GALNT7: variants seen among roughly 807,000 people sequenced by gnomAD.
GALNT7 encodes polypeptide N-acetylgalactosaminyltransferase 7.
Under a neutral mutation model 82.1 loss-of-function variants are expected in GALNT7, and 60 were observed. The observed-to-expected ratio is 0.73, with a 90% CI of 0.59 to 0.91. The LOEUF (loss-of-function observed/expected upper bound fraction) is 0.91. Among genes scored for constraint, GALNT7 ranks in the 40% least tolerant of loss-of-function variants. GALNT7 has a pLI of 0.00. For missense variants in GALNT7, 660 were observed against 804.2 expected (o/e 0.82, Z 2.17); for synonymous variants, 243 against 275.1 (o/e 0.88, Z 1.15).
intron 1 of GALNT7, among the ~76,000 whole-genome samples, chr4:173,197,930 T>C (rs1056416381): frequency 6.6e-6 from 1 of 152,202 alleles, no homozygotes; most frequent in African/African-American, 2.4e-5. Context: ...AAAATGCAGA[T>C]TGTGCCCCTC....
At chr4:173,279,454 T>TG (rs1208890464) in intron 2 of GALNT7, among the ~76,000 whole-genome samples, 1 of 152,258 alleles carries the variant, frequency 6.6e-6, no homozygotes, top group African/African-American at 2.4e-5. Flanking sequence ...ATGAGATTTG[T>TG]GGGGGGCAAA....
chr4:173,186,677 A>G (rs967291942), intron 1 of GALNT7, among the ~76,000 whole-genome samples: 2 of 152,130 alleles, frequency 1.3e-5, no homozygotes, highest in Non-Finnish European at 2.9e-5. Flanking sequence ...AGGGCTGAAT[A>G]TTGTCTTTTC....
intron 1 of GALNT7, among the ~76,000 whole-genome samples, chr4:173,192,154 T>TA (rs1732648764): frequency 6.6e-6 from 1 of 152,140 alleles, no homozygotes; most frequent in Non-Finnish European, 1.5e-5. Context: ...AACACATATT[T>TA]AAAGGGCATG....
chr4:173,202,910 A>G (rs1222244151), intron 1 of GALNT7, among the ~76,000 whole-genome samples: 4 of 152,182 alleles, frequency 2.6e-5, no homozygotes, highest in African/African-American at 7.2e-5. Flanking sequence ...ATACTACTAT[A>G]TAATGACCTT....
intron 2 of GALNT7, among the ~76,000 whole-genome samples, chr4:173,251,071 A>G (rs1353533154): frequency 1.3e-5 from 2 of 152,210 alleles, no homozygotes; most frequent in African/African-American, 4.8e-5. Flanking sequence ...TTCTCATTAG[A>G]TAAGTTCCTA....
chr4:173,256,821 A>G (rs538675740), intron 2 of GALNT7, among the ~76,000 whole-genome samples: 4 of 152,326 alleles, frequency 2.6e-5, no homozygotes, highest in Non-Finnish European at 4.4e-5. Flanking sequence ...AATAATTTAC[A>G]TGACACTGTC....
chr4:173,177,115 G>A (rs574776694), intron 1 of GALNT7, among the ~76,000 whole-genome samples: 16 of 152,224 alleles, frequency 1.1e-4, no homozygotes, highest in African/African-American at 3.1e-4. Flanking sequence ...TTTAGGCTTC[G>A]GAGTCACCTA....
intron 2 of GALNT7, among the ~76,000 whole-genome samples, chr4:173,280,253 G>A (rs1736064036): frequency 1.3e-5 from 2 of 152,092 alleles, no homozygotes; most frequent in African/African-American, 4.8e-5. Context: ...TTGAGTGCAG[G>A]GACTCGCAGC....
At chr4:173,267,100 G>T (rs1356742088) in intron 2 of GALNT7, among the ~76,000 whole-genome samples, 8 of 152,158 alleles carry the variant, frequency 5.3e-5, no homozygotes, top group Non-Finnish European at 1.0e-4. Flanking sequence ...CCAACACAAA[G>T]AAATGATAAA....
chr4:173,311,055 A>C (rs1039536873), intron 8 of GALNT7, among the ~76,000 whole-genome samples: 1 of 152,210 alleles, frequency 6.6e-6, no homozygotes, highest in African/African-American at 2.4e-5. Flanking sequence ...GTTTTCTCCC[A>C]GTGAATACTG....
intron 1 of GALNT7, among the ~76,000 whole-genome samples, chr4:173,180,343 T>TC (rs1328987586): frequency 1.3e-5 from 2 of 150,742 alleles, no homozygotes; most frequent in Non-Finnish European, 3.0e-5. Context: ...TTTTTTTTTT[T>TC]TGAGATGGAG....
At chr4:173,206,751 G>T (rs1561154003) in intron 1 of GALNT7, among the ~76,000 whole-genome samples, 1 of 152,214 alleles carries the variant, frequency 6.6e-6, no homozygotes, top group Non-Finnish European at 1.5e-5. Context: ...CAGGAATTTT[G>T]TTGCTGGGGA....
rs149874327 is a variant in GALNT7, at chr4:173,295,208, G to A, written c.755-188G>A. 6.6e-5 allele frequency among the ~76,000 whole-genome samples: 10 copies of A among 152,318 alleles called. No individual in the cohort carries two copies. The East Asian group carries it at 1.9e-3, about 29-fold the overall frequency. ...TAATTCTCAGACTAACCAGTTCTCT[G>A]TAGGCATAGTAAACTCAAAATTAAC... On this transcript the variant is annotated intron_variant, in intron 3 of 11. Transcript: ENST00000265000.
intron 2 of GALNT7, among the ~76,000 whole-genome samples, chr4:173,276,838 A>C (rs1172042556): frequency 6.6e-6 from 1 of 152,204 alleles, no homozygotes; most frequent in Non-Finnish European, 1.5e-5. Context: ...CATTTCAAAC[A>C]GTATTTTATG....
chr4:173,251,716 G>A (rs1053649320), intron 2 of GALNT7, among the ~76,000 whole-genome samples: 7 of 151,956 alleles, frequency 4.6e-5, no homozygotes, highest in Non-Finnish European at 7.4e-5. Flanking sequence ...CTTTCCTCTG[G>A]CACAACTGGA....
chr4:173,295,566 T>A (rs1166382618), intron 4 of GALNT7, 40 bp downstream of exon 4: 1 of 1,590,850 alleles, frequency 6.3e-7, no homozygotes, highest in Non-Finnish European at 8.6e-7. Context: ...ACATTTTGGG[T>A]TTGGTAACTA....
At chr4:173,247,390 C>T (rs1432551534) in intron 1 of GALNT7, among the ~76,000 whole-genome samples, 1 of 150,784 alleles carries the variant, frequency 6.6e-6, no homozygotes, top group South Asian at 2.1e-4. Context: ...GACTTAGTTA[C>T]AGATATTAGC....
At chr4:173,319,959 G>A (rs944120830) in intron 11 of GALNT7, among the ~76,000 whole-genome samples, 1 of 152,116 alleles carries the variant, frequency 6.6e-6, no homozygotes, top group African/African-American at 2.4e-5. Context: ...AAGAAAGCCT[G>A]GATGAGCAAA....
chr4:173,193,886 C>T (rs1732697352), intron 1 of GALNT7, among the ~76,000 whole-genome samples: 1 of 151,874 alleles, frequency 6.6e-6, no homozygotes, highest in Non-Finnish European at 1.5e-5. Context: ...ATGATTTTAC[C>T]AAAAACTATT....
Sources: allele counts gnomAD v4.1 joint callset (sites outside exome capture counted in the v4.1 genomes callset), GRCh38; gene constraint gnomAD v4.1.1; transcripts MANE v1.5; gene names NCBI Gene and HGNC (gene_info 2026-07-23, HGNC 2026-07-21).